Variants in ANKFN1 observed in about 807,000 individuals in gnomAD.
The protein encoded by ANKFN1 is ankyrin repeat and fibronectin type-III domain-containing protein 1.
A neutral mutation model predicts 108.7 loss-of-function variants in ANKFN1; 74 were observed. The ratio of observed to expected loss-of-function variants is 0.68; its 90% CI spans 0.56 to 0.83. The LOEUF is 0.83. Ranked by LOEUF, ANKFN1 falls within the 40% of genes least tolerant of loss-of-function variation. ANKFN1 has a pLI of 0.00. For synonymous variants in ANKFN1, 547 were observed against 516.2 expected (o/e 1.06, Z -0.81); for missense variants, 1,505 against 1,382.3 (o/e 1.09, Z -1.41).
intron 4 of ANKFN1, among the ~76,000 whole-genome samples, chr17:56,077,162 G>T (rs1905190823): frequency 6.6e-6 from 1 of 152,126 alleles, no homozygotes; most frequent in African/African-American, 2.4e-5. Context: ...GCCTTATGCT[G>T]GCCTTGGTCC....
intron 4 of ANKFN1, among the ~76,000 whole-genome samples, chr17:56,082,293 GT>G (rs1567783247): frequency 5.3e-5 from 1 of 18,754 alleles, no homozygotes; most frequent in Non-Finnish European, 1.5e-4. Flanking sequence ...TTTTGTTTTT[GT>G]TTTTGTTTTT....
intron 3 of ANKFN1, among the ~76,000 whole-genome samples, chr17:56,269,061 GC>G (rs2043727135): frequency 6.6e-6 from 1 of 152,076 alleles, no homozygotes; most frequent in African/African-American, 2.4e-5. Flanking sequence ...TATGACCTGG[GC>G]CAGTTGTTTC....
chr17:56,399,843 T>TTATATATATATA (rs71139904), intron 8 of ANKFN1, among the ~76,000 whole-genome samples: 5 of 64,832 alleles, frequency 7.7e-5, no homozygotes, highest in African/African-American at 1.5e-4. Flanking sequence ...ATTCCATTTT[T>TTATATATATATA]TATATATATA....
intron 3 of ANKFN1, among the ~76,000 whole-genome samples, chr17:56,246,461 G>T (rs1917964147): frequency 6.6e-6 from 1 of 152,090 alleles, no homozygotes; most frequent in Non-Finnish European, 1.5e-5. Flanking sequence ...AAAGTTAATG[G>T]CTACAGCTCA....
At chr17:56,120,349 C>T (rs191535441) in intron 4 of ANKFN1, among the ~76,000 whole-genome samples, 18 of 152,270 alleles carry the variant, frequency 1.2e-4, no homozygotes, top group East Asian at 9.7e-4. Flanking sequence ...CATCACCCTT[C>T]GGACTTGATC....
chr17:56,285,661 C>A (rs1416910619), intron 3 of ANKFN1, among the ~76,000 whole-genome samples: 1 of 152,186 alleles, frequency 6.6e-6, no homozygotes, highest in Admixed American at 6.5e-5. Context: ...GCTTGTGACT[C>A]CATAACTGTT....
At chr17:56,230,376 C>A (rs1477801749) in intron 3 of ANKFN1, among the ~76,000 whole-genome samples, 1 of 152,094 alleles carries the variant, frequency 6.6e-6, no homozygotes, top group Non-Finnish European at 1.5e-5. Flanking sequence ...AAGACATTTT[C>A]TCCTGACCCC....
intron 3 of ANKFN1, among the ~76,000 whole-genome samples, chr17:56,273,360 A>AT (rs967280040): frequency 2.2e-4 from 34 of 152,076 alleles, no homozygotes; most frequent in African/African-American, 7.5e-4. Flanking sequence ...TGACACTTGG[A>AT]TTTTTTTCCC....
intron 4 of ANKFN1, among the ~76,000 whole-genome samples, chr17:56,105,809 TG>T (rs1905741426): frequency 2.0e-5 from 3 of 151,534 alleles, no homozygotes; most frequent in African/African-American, 7.3e-5. Flanking sequence ...CTTAGATCAG[TG>T]GTTCTCAGCC....
chr17:56,210,209 G>T (rs59970718), intron 1 of ANKFN1, among the ~76,000 whole-genome samples: 1 of 152,032 alleles, frequency 6.6e-6, no homozygotes, highest in African/African-American at 2.4e-5. Context: ...AAACATGCAT[G>T]TACAAGTATC....
At position 56,109,964 on chromosome 17, in the gene ANKFN1, T is replaced by A. The variant is rs549565277; in HGVS notation, c.288+63639T>A. ...GCTAGCTCTACCAACAGCTCCTTCA[T>A]AGGGACATAGAACTTGCACCTCACT... On this transcript the variant is annotated intron_variant, in intron 4 of 12. Coordinates refer to the ANKFN1 transcript ENST00000635860. 2.6e-5 allele frequency among the ~76,000 whole-genome samples: 4 copies of A among 152,342 alleles called. No homozygotes were observed. The South Asian group carries it at 8.3e-4, about 32-fold the overall frequency.
chr17:56,297,894 T>A (rs991522667), intron 3 of ANKFN1, among the ~76,000 whole-genome samples: 1 of 152,102 alleles, frequency 6.6e-6, no homozygotes, highest in African/African-American at 2.4e-5. Flanking sequence ...TAATAAAACA[T>A]TTTGCAACCA....
At chr17:56,369,945 A>G (rs997438759) in intron 6 of ANKFN1, among the ~76,000 whole-genome samples, 2 of 152,178 alleles carry the variant, frequency 1.3e-5, no homozygotes, top group Non-Finnish European at 2.9e-5. Flanking sequence ...AAAATCTTCA[A>G]TTTTTGAAAA....
intron 2 of ANKFN1, among the ~76,000 whole-genome samples, chr17:56,222,223 A>T (rs16956909): frequency 0.16 from 24,921 of 152,046 alleles, 2,246 homozygotes; most frequent in East Asian, 0.3. Flanking sequence ...GAGAACTTGG[A>T]GGCTTCCCCT....
intron 18 of ANKFN1, among the ~76,000 whole-genome samples, chr17:56,486,325 C>CT (rs1459322851): frequency 1.3e-5 from 2 of 152,134 alleles, no homozygotes; most frequent in East Asian, 3.8e-4. Flanking sequence ...TTCTATTAGT[C>CT]TTTTTTTAGG....
rs1224566640 is a variant in ANKFN1, at chr17:56,466,363, T to G, written c.1565T>G (p.Leu522Arg). The G allele has an allele frequency of 6.2e-7, 1 of 1,614,136 alleles. No individual in the cohort carries two copies. The highest frequency in any genetic ancestry group is 8.5e-7 in the Non-Finnish European group (1 of 1,179,968). ...TAATCCATTTGTTTCCAGAATTTAC[T>G]TGGGACACACAACTTGGGAAGAGTT... ...LAATAQLQNL[L>R]GTHNLGRVYY... Residue 522 changes from leucine to arginine, a missense_variant, in exon 15 of 21, where the codon CTT (leucine) becomes CGT (arginine). Transcript: ENST00000682825.
intron 1 of ANKFN1, among the ~76,000 whole-genome samples, chr17:56,158,743 A>T (rs1215597724): frequency 2.0e-5 from 3 of 152,174 alleles, no homozygotes; most frequent in African/African-American, 7.2e-5. Flanking sequence ...ACTGAGGCTA[A>T]AATTGCTAAA....
chr17:56,362,855 G>C (rs1332244618), intron 6 of ANKFN1, among the ~76,000 whole-genome samples: 1 of 152,134 alleles, frequency 6.6e-6, no homozygotes, highest in East Asian at 1.9e-4. Flanking sequence ...CATCCAATAA[G>C]GGGTTAATGT....
intron 1 of ANKFN1, among the ~76,000 whole-genome samples, chr17:56,208,991 C>T (rs923711364): frequency 1.8e-4 from 28 of 152,112 alleles, no homozygotes; most frequent in Non-Finnish European, 1.5e-4. Context: ...CATTCTCCTG[C>T]CTAGGCCTCC....
Sources: gnomAD v4.1 joint callset for allele counts (sites outside exome capture counted in the v4.1 genomes callset) on GRCh38, gnomAD v4.1.1 for gene constraint, MANE v1.5 for transcripts, NCBI Gene and HGNC (gene_info 2026-07-23, HGNC 2026-07-21) for gene names.